Variants in ST6GALNAC5 observed in about 807,000 individuals in gnomAD.
ST6GALNAC5 encodes the protein alpha-N-acetylgalactosaminide alpha-2,6-sialyltransferase 5.
Under a neutral mutation model 33.6 loss-of-function variants are expected in ST6GALNAC5, and 27 were observed. The ratio of observed to expected loss-of-function variants is 0.80; its 90% confidence interval spans 0.59 to 1.11. The LOEUF (loss-of-function observed/expected upper bound fraction) is 1.11, where lower values mean the gene tolerates loss of function less well. Among genes scored for constraint, ST6GALNAC5 ranks in the 50% least tolerant of loss-of-function variants. The pLI, the probability that ST6GALNAC5 is intolerant of heterozygous loss-of-function variation, is 0.00. For synonymous variants in ST6GALNAC5, 194 were observed against 171.2 expected (o/e 1.13, Z -1.04); for missense variants, 428 against 454.0 (o/e 0.94, Z 0.52).
intron 2 of ST6GALNAC5, among the ~76,000 whole-genome samples, chr1:76,948,794 G>A (rs181576153): frequency 3.9e-5 from 6 of 152,128 alleles, no homozygotes; most frequent in African/African-American, 1.4e-4. Flanking sequence ...AGAACCTTAA[G>A]CTTTCTTTCT....
chr1:76,868,743 G>C lies in ST6GALNAC5; in HGVS notation c.261+1G>C. On this transcript the variant is annotated splice_donor_variant, in intron 2 of 4. Coordinates refer to ENST00000477717, the MANE Select transcript of ST6GALNAC5 (RefSeq NM_030965.3). LOFTEE classifies it high-confidence loss of function. This position sits in a 1 kb window ranked among gnomAD's most constrained non-coding sequence, Gnocchi z 4.3. The stretch of plus-strand genomic sequence containing the variant: ...ATACCTCGGAGTGGCGGACCACAAG[G>C]TGACAGCATGCCCGCCAGCCCGCTC... 1 of 1,496,344 alleles carries C rather than the reference G, an allele frequency of 6.7e-7. No homozygotes were observed. Among genetic ancestry groups the C allele is most frequent in the Non-Finnish European group, 8.9e-7 (1 of 1,126,552 alleles). 92.7% of individuals were successfully genotyped at this position (1,496,344 alleles called of 1,614,324 possible).
At chr1:77,001,422 A>C (rs12121262) in intron 2 of ST6GALNAC5, among the ~76,000 whole-genome samples, 1 of 124,264 alleles carries the variant, frequency 8.0e-6, no homozygotes, top group Admixed American at 8.5e-5. Context: ...TAGATATACA[A>C]TCATGTCGTC....
At chr1:76,884,818 C>T (rs957659487) in intron 2 of ST6GALNAC5, among the ~76,000 whole-genome samples, 9 of 152,100 alleles carry the variant, frequency 5.9e-5, no homozygotes, top group Admixed American at 5.2e-4. Flanking sequence ...GATAAAAGAA[C>T]ATCAATGGGC....
intron 2 of ST6GALNAC5, among the ~76,000 whole-genome samples, chr1:76,902,796 T>C (rs1455488949): frequency 6.6e-6 from 1 of 152,124 alleles, no homozygotes; most frequent in Admixed American, 6.5e-5. Flanking sequence ...AGAATATTTT[T>C]TAAACAAATG....
At chr1:76,994,914 A>G (rs1016993953) in intron 2 of ST6GALNAC5, among the ~76,000 whole-genome samples, 2 of 152,166 alleles carry the variant, frequency 1.3e-5, no homozygotes, top group Admixed American at 6.5e-5. Flanking sequence ...TCCGGGCTCA[A>G]ACACCAACCT....
At chr1:77,009,656 AT>A (rs1373139805) in intron 2 of ST6GALNAC5, among the ~76,000 whole-genome samples, 6 of 152,026 alleles carry the variant, frequency 3.9e-5, no homozygotes, top group Non-Finnish European at 8.8e-5. Context: ...GCCTTCTTGG[AT>A]TTATTTCCTT....
chr1:77,018,751 G>C (rs1650946232), intron 2 of ST6GALNAC5, among the ~76,000 whole-genome samples: 1 of 152,224 alleles, frequency 6.6e-6, no homozygotes, highest in African/African-American at 2.4e-5. Context: ...GAGGATTAGT[G>C]AGCTCTACAT....
rs1557757602 is a variant in ST6GALNAC5, at chr1:77,005,361, GCACACC to G, written c.262-38839_262-38834del. ...CCCTGCTTCGGCTCGCGCACGGTGC[GCACACC>G]CACTGACCTGCACCCACTGTCTGGC... On this transcript the variant is annotated intron_variant, in intron 2 of 4. Coordinates refer to ENST00000477717, the MANE Select transcript of ST6GALNAC5 (RefSeq NM_030965.3). 3.9e-5 allele frequency among the ~76,000 whole-genome samples: 6 copies of G among 152,278 alleles called. No individual in the cohort carries two copies. In the East Asian group the frequency reaches 9.7e-4, roughly 25 times the overall value.
intron 2 of ST6GALNAC5, among the ~76,000 whole-genome samples, chr1:76,911,741 G>C (rs1442280066): frequency 6.6e-6 from 1 of 152,108 alleles, no homozygotes; most frequent in East Asian, 1.9e-4. Context: ...AGAGGTGTTT[G>C]TAGTATTCTC....
intron 2 of ST6GALNAC5, among the ~76,000 whole-genome samples, chr1:76,978,700 C>T (rs1649126424): frequency 6.6e-6 from 1 of 152,202 alleles, no homozygotes; most frequent in South Asian, 2.1e-4. Flanking sequence ...GAAATCTTTT[C>T]CTCTAAGACT....
chr1:77,058,947 G>A (rs1652486912), intron 4 of ST6GALNAC5, among the ~76,000 whole-genome samples: 1 of 152,216 alleles, frequency 6.6e-6, no homozygotes, highest in African/African-American at 2.4e-5. Context: ...CAGAAGCTGA[G>A]CAGGTACTTA....
intron 2 of ST6GALNAC5, among the ~76,000 whole-genome samples, chr1:76,975,321 A>G (rs1397649007): frequency 7.9e-5 from 12 of 152,144 alleles, no homozygotes; most frequent in Non-Finnish European, 1.5e-4. Flanking sequence ...TTTTGTATCT[A>G]TGGAGATTAT....
chr1:76,871,394 A>G (rs1653500142), intron 2 of ST6GALNAC5: 1 of 152,216 alleles, frequency 6.6e-6, no homozygotes, highest in African/African-American at 2.4e-5. Flanking sequence ...AGAGAGTTAC[A>G]GATATTATTT....
At chr1:76,911,727 G>C (rs1286548532) in intron 2 of ST6GALNAC5, among the ~76,000 whole-genome samples, 1 of 152,144 alleles carries the variant, frequency 6.6e-6, no homozygotes, top group Non-Finnish European at 1.5e-5. Flanking sequence ...TAGTTTATTT[G>C]CATAGAGGTG....
intron 2 of ST6GALNAC5, among the ~76,000 whole-genome samples, chr1:76,913,084 T>A (rs1418931401): frequency 5.3e-5 from 8 of 152,142 alleles, no homozygotes; most frequent in African/African-American, 1.9e-4. Flanking sequence ...GTTTAGTGCC[T>A]CCTTCAGGAG....
At chr1:76,902,022 T>G (rs1340855315) in intron 2 of ST6GALNAC5, among the ~76,000 whole-genome samples, 1 of 152,112 alleles carries the variant, frequency 6.6e-6, no homozygotes, top group African/African-American at 2.4e-5. Context: ...TCCAGAAAAG[T>G]GTTATAAAAT....
At chr1:76,995,741 C>T (rs1372357687) in intron 2 of ST6GALNAC5, among the ~76,000 whole-genome samples, 3 of 151,894 alleles carry the variant, frequency 2.0e-5, no homozygotes, top group African/African-American at 4.8e-5. Flanking sequence ...TTAGAACCTC[C>T]GTTTTGGGTA....
chr1:76,882,143 TAA>T (rs1425596844), intron 2 of ST6GALNAC5, among the ~76,000 whole-genome samples: 1 of 152,208 alleles, frequency 6.6e-6, no homozygotes, highest in Non-Finnish European at 1.5e-5. Context: ...TCTGGATAGT[TAA>T]AAAGAGTCTT....
rs537554383 is a variant in ST6GALNAC5 at position 76,969,744 on chromosome 1, G to T, written c.262-74460G>T. ...CTCCTCAAGTGGGTCCCTGACCCCC[G>T]TGTAGCCTAACTGGGAGAGACCTCC... On this transcript the variant is annotated intron_variant, in intron 2 of 4. Coordinates refer to ENST00000477717, the MANE Select transcript of ST6GALNAC5 (RefSeq NM_030965.3). 5.9e-5 allele frequency among the ~76,000 whole-genome samples: 9 copies of T among 152,234 alleles called. No individual in the cohort carries two copies. In the South Asian group the frequency reaches 1.5e-3, roughly 25 times the overall value.
Sources: gnomAD v4.1 joint callset for allele counts (sites outside exome capture counted in the v4.1 genomes callset) on GRCh38, gnomAD v4.1.1 for gene constraint, Gnocchi (gnomAD v3.1) non-coding constraint, MANE v1.5 for transcripts, NCBI Gene and HGNC (gene_info 2026-07-23, HGNC 2026-07-21) for gene names.